The following CNTN3 variants were observed in gnomAD, a reference collection of about 807,000 sequenced individuals.
CNTN3 encodes contactin-3.
CNTN3 carries 60 observed loss-of-function variants against 119.1 expected under a neutral mutation model. The observed-to-expected ratio is 0.50, with a 90% confidence interval of 0.41 to 0.62. The LOEUF (loss-of-function observed/expected upper bound fraction) is 0.62, where lower values mean the gene tolerates loss of function less well. Ranked by LOEUF, CNTN3 falls within the 20% of genes least tolerant of loss-of-function variation. The pLI, the probability that CNTN3 is intolerant of heterozygous loss-of-function variation, is 0.00. For synonymous variants in CNTN3, 450 were observed against 438.7 expected (o/e 1.03, Z -0.32); for missense variants, 1,101 against 1,242.4 (o/e 0.89, Z 1.71).
intron 4 of CNTN3, among the ~76,000 whole-genome samples, chr3:74,476,152 T>C (rs776379178): frequency 2.6e-5 from 4 of 152,150 alleles, no homozygotes; most frequent in African/African-American, 4.8e-5. Context: ...GAAGCAACAA[T>C]ATATAAGGTG....
intron 1 of CNTN3, among the ~76,000 whole-genome samples, chr3:74,532,145 C>A (rs898714679): frequency 6.6e-6 from 1 of 151,922 alleles, no homozygotes; most frequent in Non-Finnish European, 1.5e-5. Context: ...GAAGGATCAG[C>A]CACATAGTGG....
intron 1 of CNTN3, among the ~76,000 whole-genome samples, chr3:74,550,449 G>T (rs1703973686): frequency 1.3e-5 from 2 of 152,310 alleles, no homozygotes; most frequent in Admixed American, 1.3e-4. Context: ...ATCTGCAATT[G>T]CATTGGAAGA....
chr3:74,525,657 G>A (rs1471578172), intron 1 of CNTN3, among the ~76,000 whole-genome samples: 1 of 151,862 alleles, frequency 6.6e-6, no homozygotes, highest in African/African-American at 2.4e-5. Context: ...ATAGACATTT[G>A]CATTTAAGGG....
intron 4 of CNTN3, among the ~76,000 whole-genome samples, chr3:74,436,533 C>T (rs1701869154): frequency 6.6e-6 from 1 of 151,960 alleles, no homozygotes; most frequent in Non-Finnish European, 1.5e-5. Context: ...GATGTATTTG[C>T]TAACAAAACT....
intron 4 of CNTN3, among the ~76,000 whole-genome samples, chr3:74,442,974 A>G (rs982694393): frequency 6.6e-6 from 1 of 152,226 alleles, no homozygotes; most frequent in Non-Finnish European, 1.5e-5. Context: ...TATAGATTCA[A>G]TATCTGCCTC....
At chr3:74,524,343 T>TA (rs1474440043) in intron 1 of CNTN3, among the ~76,000 whole-genome samples, 6 of 151,904 alleles carry the variant, frequency 3.9e-5, no homozygotes, top group Admixed American at 2.0e-4. Context: ...ATAATCCCCG[T>TA]ACTCATAGAG....
At chr3:74,522,081 C>G (rs1434049078) in intron 1 of CNTN3, among the ~76,000 whole-genome samples, 1 of 151,846 alleles carries the variant, frequency 6.6e-6, no homozygotes, top group African/African-American at 2.4e-5. Flanking sequence ...CTCCTGTAGA[C>G]AGTGGTTCCC....
chr3:74,354,398 G>GT (rs1297869185), intron 11 of CNTN3, among the ~76,000 whole-genome samples: 2 of 152,072 alleles, frequency 1.3e-5, no homozygotes, highest in African/African-American at 4.8e-5. Context: ...ATAGAGATAA[G>GT]TTAAATAATC....
At chr3:74,508,639 C>T (rs1031316996) in intron 2 of CNTN3, among the ~76,000 whole-genome samples, 1 of 148,376 alleles carries the variant, frequency 6.7e-6, no homozygotes, top group Non-Finnish European at 1.5e-5. Flanking sequence ...TTACTGCATG[C>T]TGGACTGTTA....
intron 1 of CNTN3, among the ~76,000 whole-genome samples, chr3:74,537,094 G>A: frequency 6.6e-6 from 1 of 151,952 alleles, no homozygotes; most frequent in East Asian, 1.9e-4. Flanking sequence ...ATACTCTTAT[G>A]GAGGAGGAAC....
chr3:74,440,341 T>C (rs1452187284), intron 4 of CNTN3, among the ~76,000 whole-genome samples: 1 of 152,206 alleles, frequency 6.6e-6, no homozygotes, highest in African/African-American at 2.4e-5. Flanking sequence ...TATACCCCTA[T>C]ATTAATCTTA....
chr3:74,579,032 G>A (rs569291538), intron 1 of CNTN3, among the ~76,000 whole-genome samples: 2 of 151,938 alleles, frequency 1.3e-5, no homozygotes, highest in Admixed American at 1.3e-4. Flanking sequence ...TTAAATATGG[G>A]TGACAGATGT....
chr3:74,384,714 C>G (rs765675113), intron 5 of CNTN3, among the ~76,000 whole-genome samples: 2 of 152,200 alleles, frequency 1.3e-5, no homozygotes, highest in Middle Eastern at 3.4e-3. Flanking sequence ...TTTGGCAGTT[C>G]ATATTCTGTT....
At chr3:74,541,444 A>G (rs1432038532) in intron 1 of CNTN3, among the ~76,000 whole-genome samples, 1 of 152,186 alleles carries the variant, frequency 6.6e-6, no homozygotes, top group African/African-American at 2.4e-5. Flanking sequence ...ACATCTACCT[A>G]TTCAAAACTC....
chr3:74,449,374 C>T (rs1015324789), intron 4 of CNTN3, among the ~76,000 whole-genome samples: 17 of 151,944 alleles, frequency 1.1e-4, no homozygotes, highest in African/African-American at 3.9e-4. Flanking sequence ...TCTTTTACAA[C>T]ACTAATCTCT....
chr3:74,357,919 T>C (rs1286913962), intron 11 of CNTN3, among the ~76,000 whole-genome samples: 1 of 152,088 alleles, frequency 6.6e-6, no homozygotes, highest in Non-Finnish European at 1.5e-5. Context: ...TAACAATCCA[T>C]GATCTAACAA....
intron 1 of CNTN3, among the ~76,000 whole-genome samples, chr3:74,552,174 C>G (rs1244831964): frequency 6.6e-6 from 1 of 152,028 alleles, no homozygotes; most frequent in African/African-American, 2.4e-5. Context: ...ATGGTTGTAC[C>G]ACAATTTATT....
At chr3:74,590,340 C>T (rs542896439) in intron 1 of CNTN3, among the ~76,000 whole-genome samples, 3 of 152,092 alleles carry the variant, frequency 2.0e-5, no homozygotes, top group East Asian at 1.9e-4. Flanking sequence ...GTAAAGTAAA[C>T]ATATACAACT....
chr3:74,428,325 G>A (rs986973424), intron 4 of CNTN3, among the ~76,000 whole-genome samples: 1 of 151,856 alleles, frequency 6.6e-6, no homozygotes, highest in African/African-American at 2.4e-5. Context: ...GAGTTTTTCA[G>A]AAGGAGGCAT....
Sources: gnomAD v4.1 joint callset for allele counts (sites outside exome capture counted in the v4.1 genomes callset) on GRCh38, gnomAD v4.1.1 for gene constraint, MANE v1.5 for transcripts, NCBI Gene and HGNC (gene_info 2026-07-23, HGNC 2026-07-21) for gene names.